A3GALT2: variants seen among roughly 807,000 people sequenced by gnomAD.
The protein encoded by A3GALT2 is alpha-1,3-galactosyltransferase 2.
A3GALT2 carries 14 observed loss-of-function variants against 16.6 expected under a neutral mutation model. The ratio of observed to expected loss-of-function variants is 0.84; its 90% CI spans 0.56 to 1.32. A3GALT2 has a LOEUF of 1.32. Among genes scored for constraint, A3GALT2 ranks in the 40% most tolerant of loss-of-function variants. A3GALT2 has a pLI of 0.00. For synonymous variants in A3GALT2, 253 were observed against 218.0 expected (o/e 1.16, Z -1.42); for missense variants, 600 against 490.9 (o/e 1.22, Z -2.10).
At position 33,306,972 on chromosome 1, in the gene A3GALT2, C is replaced by A; in HGVS notation, c.817G>T (p.Ala273Ser). Residue 273 changes from alanine to serine, a missense_variant, in exon 5 of 5, where the codon GCG (alanine) becomes TCG (serine). Transcript: ENST00000442999. ...AALRGLTAHC[A>S]GGLDWDRARG... ...GCGCGGTCCCAGTCCAGGCCCCCCGCACAGTGCGCCGTCAGCCCGCGCAGC... is the reference window on the plus strand; with the variant it reads ...GCGCGGTCCCAGTCCAGGCCCCCCGAACAGTGCGCCGTCAGCCCGCGCAGC... The A allele has an allele frequency of 1.3e-6, 2 of 1,488,562 alleles. No individual in the cohort carries two copies. Among genetic ancestry groups the A allele is most frequent in the Non-Finnish European group, 1.8e-6 (2 of 1,126,142 alleles). 92.2% of individuals were successfully genotyped at this position (1,488,562 alleles called of 1,614,324 possible).
At chr1:33,309,136 A>T (rs1646219438) in intron 4 of A3GALT2, among the ~76,000 whole-genome samples, 3 of 152,130 alleles carry the variant, frequency 2.0e-5, no homozygotes, top group African/African-American at 7.2e-5. Context: ...TTCTTAGTAC[A>T]GAACAAAATG....
At position 33,307,199 on chromosome 1, in the gene A3GALT2, C is replaced by T. The variant is rs1188751699; in HGVS notation, c.590G>A (p.Cys197Tyr). 5.9e-6 allele frequency: 9 copies of T among 1,535,812 alleles called. No homozygotes were observed. Among genetic ancestry groups the T allele is most frequent in the Non-Finnish European group, 7.0e-6 (8 of 1,144,720 alleles). The change falls in exon 5 of 5, where the codon TGC becomes TAC. Residue 197 changes from cysteine (C) to tyrosine (Y), a missense_variant. Physicochemically the swap from Cys to Tyr is radical, Grantham distance 194. Coordinates refer to ENST00000442999, the MANE Select transcript of A3GALT2 (RefSeq NM_001080438.1). ...LPGREAHFMF[C>Y]MDVDQHFSGT... is the part of the protein sequence containing the mutation. ...GCTGAAGTGCTGGTCCACGTCCATG[C>T]AGAACATGAAGTGCGCCTCGCGGCC...
intron 4 of A3GALT2, among the ~76,000 whole-genome samples, chr1:33,308,757 T>G (rs199729302): frequency 0.13 from 13,127 of 98,442 alleles, 1,000 homozygotes; most frequent in East Asian, 0.34. Flanking sequence ...GTTGTTTTTT[T>G]TTTTTTTTTT....
At chr1:33,315,220 A>G (rs1158977939) in intron 1 of A3GALT2, among the ~76,000 whole-genome samples, 1 of 152,120 alleles carries the variant, frequency 6.6e-6, no homozygotes, top group Non-Finnish European at 1.5e-5. Context: ...CATCTCTACT[A>G]AAAATACAAA....
intron 4 of A3GALT2, 45 bp downstream of exon 4, chr1:33,312,007 C>G (rs1191100872): frequency 1.2e-6 from 2 of 1,610,764 alleles, no homozygotes; most frequent in Non-Finnish European, 1.7e-6. Context: ...GCACACCCCT[C>G]CCACTCACAG....
At chr1:33,316,291 T>A (rs539579995) in intron 1 of A3GALT2, among the ~76,000 whole-genome samples, 1 of 151,992 alleles carries the variant, frequency 6.6e-6, no homozygotes, top group Non-Finnish European at 1.5e-5. Context: ...GGGATGAGGC[T>A]GCAGAGGTGA....
At chr1:33,309,177 G>A (rs1320944070) in intron 4 of A3GALT2, among the ~76,000 whole-genome samples, 1 of 152,162 alleles carries the variant, frequency 6.6e-6, no homozygotes, top group Non-Finnish European at 1.5e-5. Flanking sequence ...TTTCTACACA[G>A]ACACAGTAAC....
At chr1:33,308,756 T>TTTTTTTTTTTTTTTTTTTTTTTTTTG (rs1646216929) in intron 4 of A3GALT2, among the ~76,000 whole-genome samples, 1 of 95,392 alleles carries the variant, frequency 1.0e-5, no homozygotes, top group Admixed American at 8.9e-5. Context: ...AGTTGTTTTT[T>TTTTTTTTTTTTTTTTTTTTTTTTTTG]TTTTTTTTTT....
chr1:33,309,233 C>T (rs554660720), intron 4 of A3GALT2, among the ~76,000 whole-genome samples: 21 of 152,350 alleles, frequency 1.4e-4, no homozygotes, highest in Admixed American at 7.8e-4. Context: ...CTTTTCTATT[C>T]GACAAAACCA....
rs113725727 is a variant in A3GALT2 at position 33,310,320 on chromosome 1, C to T, written c.335+1732G>A. ...GAGAGAGGGAGAGGGAGAGGGAGAC[C>T]GGGGAGAGGGAGACCGGGGAGAGGG... is the stretch of plus-strand genomic sequence containing the variant. On this transcript the variant is annotated intron_variant, in intron 4 of 4. Coordinates refer to ENST00000442999, the MANE Select transcript of A3GALT2 (RefSeq NM_001080438.1). Among the ~76,000 whole-genome samples, 252 of 146,866 alleles carry T rather than the reference C, an allele frequency of 1.7e-3. 5 individuals are homozygous for T. Among genetic ancestry groups the T allele is most frequent in the African/African-American group, 3.0e-3 (112 of 37,190 alleles).
At chr1:33,309,145 T>G (rs1182939441) in intron 4 of A3GALT2, among the ~76,000 whole-genome samples, 2 of 152,226 alleles carry the variant, frequency 1.3e-5, no homozygotes, top group South Asian at 2.1e-4. Flanking sequence ...CAGAACAAAA[T>G]GGAGTATCCT....
At chr1:33,310,911 C>G (rs917787847) in intron 4 of A3GALT2, among the ~76,000 whole-genome samples, 2 of 152,228 alleles carry the variant, frequency 1.3e-5, no homozygotes, top group African/African-American at 4.8e-5. Context: ...AGCAGTTCTG[C>G]CCGCCTGGTC....
At chr1:33,308,747 GTTGTTTTTTTTTT>G (rs1178500610) in intron 4 of A3GALT2, among the ~76,000 whole-genome samples, 7 of 67,210 alleles carry the variant, frequency 1.0e-4, no homozygotes, top group African/African-American at 8.0e-4. Flanking sequence ...TCATGTCAAA[GTTGTTTTTTTTTT>G]TTTTTTTTTT....
rs569147407 is a variant in A3GALT2 at position 33,309,864 on chromosome 1, C to T, written c.335+2188G>A. Among the ~76,000 whole-genome samples the T allele has an allele frequency of 2.8e-3, 427 of 152,202 alleles. 1 individual carries two copies. Among genetic ancestry groups the T allele is most frequent in the African/African-American group, 9.8e-3 (406 of 41,530 alleles). ...GGCTCCTCACATCCCAGACGATGGA[C>T]GGCCAGGCAGAGACGCTCCTCACTT... On this transcript the variant is annotated intron_variant, in intron 4 of 4. Coordinates refer to ENST00000442999, the MANE Select transcript of A3GALT2 (RefSeq NM_001080438.1).
intron 2 of A3GALT2, 29 bp from the exon 3 acceptor site, chr1:33,312,619 G>A: frequency 6.5e-7 from 1 of 1,540,788 alleles, no homozygotes; most frequent in Non-Finnish European, 8.8e-7. Flanking sequence ...CGGGGGGCAG[G>A]CAGCCGTGAG....
intron 4 of A3GALT2, 52 bp downstream of exon 4, chr1:33,312,000 C>G: frequency 6.2e-7 from 1 of 1,607,774 alleles, no homozygotes; most frequent in Non-Finnish European, 8.5e-7. Context: ...ATCACATGCA[C>G]ACCCCTCCCA....
intron 1 of A3GALT2, among the ~76,000 whole-genome samples, chr1:33,317,498 C>T (rs769300090): frequency 2.6e-5 from 4 of 152,070 alleles, no homozygotes; most frequent in South Asian, 2.1e-4. Flanking sequence ...TGCAGGACAC[C>T]GTCCACATCT....
intron 3 of A3GALT2, 23 bp downstream of exon 3, chr1:33,312,478 T>A: frequency 1.3e-6 from 2 of 1,555,862 alleles, no homozygotes; most frequent in African/African-American, 2.7e-5. Flanking sequence ...GCCCTTGGAG[T>A]AGGAGGGATG....
chr1:33,312,457 G>GCAACATAT (rs1219118942), intron 3 of A3GALT2, 44 bp downstream of exon 3: 1 of 1,513,584 alleles, frequency 6.6e-7, no homozygotes, highest in Admixed American at 2.0e-5. Flanking sequence ...AGCTGTGTAG[G>GCAACATAT]GTTTGGGGGT....
Sources: allele counts gnomAD v4.1 joint callset (sites outside exome capture counted in the v4.1 genomes callset), GRCh38; gene constraint gnomAD v4.1.1; transcripts MANE v1.5; gene names NCBI Gene and HGNC (gene_info 2026-07-23, HGNC 2026-07-21).